EPB41L2: variants seen among roughly 807,000 people sequenced by gnomAD.
EPB41L2 encodes the protein band 4.1-like protein 2.
Under a neutral mutation model 113.0 loss-of-function variants are expected in EPB41L2, and 43 were observed. That is an observed-to-expected ratio of 0.38 (90% CI 0.30 to 0.49). The LOEUF (loss-of-function observed/expected upper bound fraction) is 0.49. Among genes scored for constraint, EPB41L2 ranks in the 20% least tolerant of loss-of-function variants. The pLI, the probability that EPB41L2 is intolerant of heterozygous loss-of-function variation, is 0.95. For missense variants in EPB41L2, 1,147 were observed against 1,223.4 expected (o/e 0.94, Z 0.93); for synonymous variants, 442 against 436.7 (o/e 1.01, Z -0.15).
intron 1 of EPB41L2, among the ~76,000 whole-genome samples, chr6:131,044,057 T>C (rs1228573195): frequency 7.4e-5 from 11 of 147,674 alleles, no homozygotes; most frequent in Non-Finnish European, 3.0e-5. Flanking sequence ...GGTCTCACTC[T>C]GCTGTCCAGG....
intron 1 of EPB41L2, among the ~76,000 whole-genome samples, chr6:130,958,982 C>G (rs541735674): frequency 2.6e-5 from 4 of 152,302 alleles, no homozygotes; most frequent in Admixed American, 2.0e-4. Context: ...TTGGGTTGAT[C>G]TGATCTCTGG....
chr6:130,928,232 T>G (rs760686317), intron 3 of EPB41L2, among the ~76,000 whole-genome samples: 3 of 152,210 alleles, frequency 2.0e-5, no homozygotes, highest in Non-Finnish European at 4.4e-5. Flanking sequence ...TGTCTACATA[T>G]TAAAAGTATA....
chr6:130,862,350 C>A (rs1228540618), intron 18 of EPB41L2, among the ~76,000 whole-genome samples: 1 of 152,134 alleles, frequency 6.6e-6, no homozygotes, highest in East Asian at 1.9e-4. Flanking sequence ...TTTGCACTTT[C>A]CACCATGCCA....
At chr6:131,003,247 TTTAC>T (rs1463492361) in intron 1 of EPB41L2, among the ~76,000 whole-genome samples, 1 of 152,126 alleles carries the variant, frequency 6.6e-6, no homozygotes, top group African/African-American at 2.4e-5. Flanking sequence ...AAAATATGTG[TTTAC>T]TTAAAGATTT....
intron 19 of EPB41L2, among the ~76,000 whole-genome samples, chr6:130,845,449 C>G (rs1776751569): frequency 6.6e-6 from 1 of 152,104 alleles, no homozygotes; most frequent in African/African-American, 2.4e-5. Context: ...GCAATCATAG[C>G]TCACTGCAGC....
intron 1 of EPB41L2, among the ~76,000 whole-genome samples, chr6:131,008,169 C>G (rs1003457573): frequency 8.5e-5 from 13 of 152,218 alleles, no homozygotes; most frequent in Non-Finnish European, 1.5e-5. Context: ...GGGCTGGGCC[C>G]AGGGTCCCCT....
intron 1 of EPB41L2, among the ~76,000 whole-genome samples, chr6:131,052,005 C>T (rs1001875876): frequency 1.3e-5 from 2 of 149,890 alleles, no homozygotes; most frequent in African/African-American, 2.5e-5. Context: ...GGCATGATCT[C>T]GGCTCACTGC....
At chr6:130,892,408 T>TTTTTTTTTTTTTTTTTTG in intron 10 of EPB41L2, among the ~76,000 whole-genome samples, 1 of 132,192 alleles carries the variant, frequency 7.6e-6, no homozygotes, top group Non-Finnish European at 1.6e-5. Context: ...TATTGCTTTT[T>TTTTTTTTTTTTTTTTTTG]TTTTTTTTTT....
At chr6:131,027,905 C>T (rs1007953299) in intron 1 of EPB41L2, among the ~76,000 whole-genome samples, 1 of 152,124 alleles carries the variant, frequency 6.6e-6, no homozygotes, top group African/African-American at 2.4e-5. Context: ...TCATAAGTGC[C>T]TAAGCAAAAT....
intron 1 of EPB41L2, among the ~76,000 whole-genome samples, chr6:130,985,019 G>A (rs1477503586): frequency 6.6e-6 from 1 of 152,174 alleles, no homozygotes; most frequent in Non-Finnish European, 1.5e-5. Context: ...CTTGGTGATA[G>A]TGACAGGAGG....
At chr6:130,876,530 G>A in intron 14 of EPB41L2, 2 of 345,486 alleles carry the variant, frequency 5.8e-6, no homozygotes, top group East Asian at 1.5e-4. Flanking sequence ...TATACACAGG[G>A]GATTTAACTT....
intron 1 of EPB41L2, chr6:131,015,788 T>C (rs1459027586): frequency 2.6e-5 from 4 of 152,208 alleles, no homozygotes; most frequent in African/African-American, 9.7e-5. Flanking sequence ...TGAAGAGGGA[T>C]AGAGTGAGCT....
At chr6:131,041,632 C>A (rs1264125194) in intron 1 of EPB41L2, among the ~76,000 whole-genome samples, 1 of 152,060 alleles carries the variant, frequency 6.6e-6, no homozygotes, top group African/African-American at 2.4e-5. Context: ...CTAAACAGCA[C>A]CACAGGCAGG....
intron 4 of EPB41L2, among the ~76,000 whole-genome samples, chr6:130,916,788 T>A (rs1326381978): frequency 1.3e-5 from 2 of 152,224 alleles, no homozygotes; most frequent in African/African-American, 4.8e-5. Flanking sequence ...GCGCTAGAGT[T>A]CTTCATTTCT....
intron 6 of EPB41L2, among the ~76,000 whole-genome samples, chr6:130,903,398 T>TAAAAAAAA (rs35123540): frequency 7.0e-6 from 1 of 142,160 alleles, no homozygotes. Flanking sequence ...ACAAGTAGTT[T>TAAAAAAAA]AAAAAAAAAA....
At chr6:130,854,052 T>C (rs1779528426) in intron 19 of EPB41L2, among the ~76,000 whole-genome samples, 2 of 152,248 alleles carry the variant, frequency 1.3e-5, no homozygotes, top group Admixed American at 1.3e-4. Context: ...TAGTCATCCT[T>C]CAGATTTTAA....
chr6:130,859,371 C>T (rs186714042), intron 18 of EPB41L2, among the ~76,000 whole-genome samples: 2 of 152,006 alleles, frequency 1.3e-5, no homozygotes, highest in East Asian at 3.9e-4. Flanking sequence ...AAACACCAGG[C>T]TTGGCTGGCG....
chr6:130,848,719 G>A (rs763032234), intron 19 of EPB41L2, among the ~76,000 whole-genome samples: 3 of 152,166 alleles, frequency 2.0e-5, no homozygotes, highest in Admixed American at 6.5e-5. Context: ...AAGGACAGGA[G>A]TATCTTTACA....
intron 1 of EPB41L2, among the ~76,000 whole-genome samples, chr6:130,996,192 T>C (rs930847905): frequency 6.6e-6 from 1 of 152,234 alleles, no homozygotes; most frequent in Admixed American, 6.5e-5. Flanking sequence ...TAACAGGATC[T>C]GTCCTATACC....
Sources: gnomAD v4.1 joint callset for allele counts (sites outside exome capture counted in the v4.1 genomes callset) on GRCh38, gnomAD v4.1.1 for gene constraint, MANE v1.5 for transcripts, NCBI Gene and HGNC (gene_info 2026-07-23, HGNC 2026-07-21) for gene names.